Variants in EXOC3L1 observed in about 807,000 individuals in gnomAD.
The protein encoded by EXOC3L1 is exocyst complex component 3-like protein.
EXOC3L1 carries 79 observed loss-of-function variants against 83.6 expected under a neutral mutation model. That is an observed-to-expected ratio of 0.95 (90% CI 0.79 to 1.14). EXOC3L1 has a LOEUF of 1.14. Among genes scored for constraint, EXOC3L1 ranks in the 50% most tolerant of loss-of-function variants. The probability of loss-of-function intolerance (pLI) is 0.00; values close to 1 mark genes in which losing one functional copy is unlikely to be tolerated. For synonymous variants in EXOC3L1, 433 were observed against 451.2 expected (o/e 0.96, Z 0.51); for missense variants, 945 against 972.0 (o/e 0.97, Z 0.37).
chr16:67,187,507 T>C lies in EXOC3L1; in HGVS notation c.758A>G (p.Gln253Arg), dbSNP rs1456709527. The C allele has an allele frequency of 2.5e-6, 4 of 1,603,588 alleles. No homozygotes were observed. Among genetic ancestry groups the C allele is most frequent in the Non-Finnish European group, 3.4e-6 (4 of 1,178,818 alleles). ...AAAGTGGGCCTGCTCCAGGCCCTCC[T>C]GTAGTGCCCTCAGACAGCGCTGACG... is the stretch of plus-strand genomic sequence containing the variant. ...DWRQRCLRAL[Q>R]EGLEQAHFGS... Residue 253 changes from glutamine (Q) to arginine (R), a missense_variant, in exon 5 of 14, where the codon CAG becomes CGG. Gln to Arg is a conservative substitution (Grantham distance 43, BLOSUM62 1). Coordinates refer to ENST00000314586, the MANE Select transcript of EXOC3L1 (RefSeq NM_178516.4).
At position 67,187,702 on chromosome 16, in the gene EXOC3L1, A is replaced by C. The variant is rs752602564; in HGVS notation, c.563T>G (p.Phe188Cys). Residue 188 changes from phenylalanine to cysteine, a missense_variant, in exon 5 of 14, where the codon TTC (phenylalanine) becomes TGC (cysteine). By Grantham distance (205) the Phe-to-Cys change is radical. Coordinates refer to ENST00000314586, the MANE Select transcript of EXOC3L1 (RefSeq NM_178516.4). ...CTCGAACAGAAGGTCCAGCCCCTGG[A>C]AGACTGGCAACTCCAGGCCCCCCAG... ...APLGGLELPVFQGLDLLFEAL... is the reference protein window; with the variant it reads ...APLGGLELPVCQGLDLLFEAL... 28 of 1,612,982 alleles carry C rather than the reference A, an allele frequency of 1.7e-5. No individual in the cohort carries two copies. The highest frequency in any genetic ancestry group is 1.6e-5 in the Non-Finnish European group (19 of 1,179,984).
At position 67,185,555 on chromosome 16, in the gene EXOC3L1, G is replaced by C. The variant is rs939758782; in HGVS notation, c.1497-65C>G. Reference sequence around the variant, plus strand: ...GGCCCGCATGGCCCTCGGTGGTCCAGACCCTCCGGCGCCACCTTGTGGGGC... The same window carrying C: ...GGCCCGCATGGCCCTCGGTGGTCCACACCCTCCGGCGCCACCTTGTGGGGC... On this transcript the variant is annotated intron_variant, in intron 9 of 13. Transcript: ENST00000314586. The C allele has an allele frequency of 6.7e-6, 10 of 1,490,786 alleles. No individual in the cohort carries two copies. The Admixed American group carries it at 1.6e-4, about 23-fold the overall frequency. The allele number at this position is 1,490,786 out of a possible 1,614,324, so 92.3% of individuals were successfully genotyped here.
rs113277538 is a variant in EXOC3L1, at chr16:67,187,380, C to T, written c.885G>A (p.Ala295=). ...CGTTGTACTGTGGCGGGCAGCAAGGCGCTACTAGTGCCTCAGCTGTGGCCA... is the reference window on the plus strand; with the variant it reads ...CGTTGTACTGTGGCGGGCAGCAAGGTGCTACTAGTGCCTCAGCTGTGGCCA... ...VELATAEALV[A]PCCPPQYNVV... Residue 295 remains alanine (A), a synonymous_variant, in exon 5 of 14, where the codon GCG becomes GCA. Coordinates refer to ENST00000314586, the MANE Select transcript of EXOC3L1 (RefSeq NM_178516.4). 1.8e-5 allele frequency: 29 copies of T among 1,612,656 alleles called. No individual in the cohort carries two copies. Among genetic ancestry groups the T allele is most frequent in the South Asian group, 4.4e-5 (4 of 91,090 alleles).
At position 67,184,802 on chromosome 16, in the gene EXOC3L1, C is replaced by T. The variant is rs757384868; in HGVS notation, c.1914G>A (p.Glu638=). 1.9e-6 allele frequency: 3 copies of T among 1,602,658 alleles called. No individual in the cohort carries two copies. The highest frequency in any genetic ancestry group is 1.1e-5 in the South Asian group (1 of 91,016). ...GCACCGGCGCGCAGTGCGCGTTCTC[C>T]TCCAGGCCCTGAGCACGTCGGGGTA... ...LQQLFLSLGL[E]ENAHCAPVLL... Residue 638 remains glutamate, a synonymous_variant, in exon 13 of 14, where the codon GAG becomes GAA. Coordinates refer to ENST00000314586, the MANE Select transcript of EXOC3L1 (RefSeq NM_178516.4).
At position 67,184,755 on chromosome 16, in the gene EXOC3L1, A is replaced by G. The variant is rs899601213; in HGVS notation, c.1961T>C (p.Leu654Pro). 2.5e-6 allele frequency: 4 copies of G among 1,593,098 alleles called. No individual in the cohort carries two copies. In the African/African-American group the frequency reaches 5.4e-5, roughly 21 times the overall value. Residue 654 changes from leucine to proline, a missense_variant, in exon 13 of 14, where the codon CTA (leucine) becomes CCA (proline). By Grantham distance (98) the Leu-to-Pro change is moderately conservative (BLOSUM62 -3). Transcript: ENST00000314586. ...CAGCAGCGCGGGGTCGCGGAGGTTT[A>G]GCAGCTCCCTCAGGGCGAGCAGCAC... ...APVLLALREL[L>P]NLRDPALLGL... is the part of the protein sequence containing the mutation.
rs147540218 is a variant in EXOC3L1, at chr16:67,189,028, G to T, written c.199C>A (p.Arg67Ser). 3.9e-5 allele frequency: 62 copies of T among 1,604,056 alleles called. No individual in the cohort carries two copies. The Middle Eastern group carries it at 1.2e-3, about 30-fold the overall frequency. The change falls in exon 3 of 14, where the codon CGC (arginine) becomes AGC (serine). Residue 67 changes from arginine to serine, a missense_variant. Coordinates refer to ENST00000314586, the MANE Select transcript of EXOC3L1 (RefSeq NM_178516.4). ...CCCTGCCCCATGCCCACCTTGAGGC[G>T]CGATTCCAGGGAGCAGGTACGCTGC... Reference protein sequence around the residue: ...EVQRTCSLESRLKSVMQSYLE... With the variant: ...EVQRTCSLESSLKSVMQSYLE...
At chr16:67,186,473 G>A (rs113239306) in intron 8 of EXOC3L1, 84 bp downstream of exon 8, 3 of 1,487,070 alleles carry the variant, frequency 2.0e-6, no homozygotes, top group African/African-American at 1.4e-5. Flanking sequence ...CTTTCCCTGT[G>A]ACATGTCTTA....
chr16:67,187,911 T>A, intron 4 of EXOC3L1, 74 bp from the exon 5 acceptor site: 1 of 1,494,342 alleles, frequency 6.7e-7, no homozygotes. Flanking sequence ...CAGGGGATAC[T>A]GAGGCCCAGG....
Position 67,186,273 on chromosome 16 carries a change from T to C in EXOC3L1, c.1460A>G (p.Tyr487Cys), listed in dbSNP as rs1050570218. 7 of 1,578,372 alleles carry C rather than the reference T, an allele frequency of 4.4e-6. No homozygotes were observed. The highest frequency in any genetic ancestry group is 1.4e-5 in the African/African-American group (1 of 74,042). The change falls in exon 9 of 14, where the codon TAC becomes TGC. Residue 487 changes from tyrosine (Y) to cysteine (C), a missense_variant. Physicochemically the swap from Tyr to Cys is radical, Grantham distance 194. Coordinates refer to ENST00000314586, the MANE Select transcript of EXOC3L1 (RefSeq NM_178516.4). ...GKSMAPHYVP[Y>C]LLAALNHKSA... ...CTTGTGGTTGAGGGCGGCCAGTAGG[T>C]AGGGCACGTAATGAGGGGCCATTGA...
rs1453628718 is a variant in EXOC3L1 at position 67,184,487 on chromosome 16, G to C, written c.2148C>G (p.Arg716=). Residue 716 remains arginine, a synonymous_variant, in exon 14 of 14, where the codon CGC becomes CGG. Transcript: ENST00000314586. The part of the protein sequence containing the change: ...ALPPSPRASR[R]VLFSLVPAPA... ...GCGCGGGCACTAGGCTGAAGAGGAC[G>C]CGGCGGCTCGCGCGGGGCGACGGCG... The C allele has an allele frequency of 6.6e-7, 1 of 1,522,148 alleles. No individual in the cohort carries two copies. 94.3% of individuals were successfully genotyped at this position (1,522,148 alleles called of 1,614,324 possible).
chr16:67,187,641 G>A lies in EXOC3L1; in HGVS notation c.624C>T (p.Ala208=), dbSNP rs567460159. The change falls in exon 5 of 14, where the codon GCC becomes GCT. Residue 208 remains alanine, a synonymous_variant. Coordinates refer to ENST00000314586, the MANE Select transcript of EXOC3L1 (RefSeq NM_178516.4). ...GGTCCTCCCGTGCCAGCTTCCCTGC[G>A]GCCCCTGCAGCTGCTTCCACAGCCT... is the stretch of plus-strand genomic sequence containing the variant. The part of the protein sequence containing the change: ...LGQAVEAAAG[A]AGKLAREDPA... 16 of 1,609,840 alleles carry A rather than the reference G, an allele frequency of 9.9e-6. No individual in the cohort carries two copies. Among genetic ancestry groups the A allele is most frequent in the Admixed American group, 5.0e-5 (3 of 59,838 alleles).
Position 67,189,167 on chromosome 16 carries a change from T to G in EXOC3L1, c.60A>C (p.Pro20=). Reference sequence around the variant, plus strand: ...CCAGCTGCTCTGCCCGCTCCTGCTCTGGCCACTCAGGTCCTGGGAAGGAAG... The same window carrying G: ...CCAGCTGCTCTGCCCGCTCCTGCTCGGGCCACTCAGGTCCTGGGAAGGAAG... The part of the protein sequence containing the change: ...QPALSPGPEW[P]EQERAEQLAR... Residue 20 remains proline, a synonymous_variant, in exon 3 of 14, where the codon CCA becomes CCC. Transcript: ENST00000314586. 6.2e-7 allele frequency: 1 copy of G among 1,600,340 alleles called. No homozygotes were observed. The highest frequency in any genetic ancestry group is 8.5e-7 in the Non-Finnish European group (1 of 1,175,030).
In EXOC3L1 at chr16:67,189,686, G is replaced by A. The variant is rs201434583; in HGVS notation, c.-7-3C>T. The A allele has an allele frequency of 3.0e-4, 492 of 1,613,876 alleles. 2 individuals carry two copies. Among genetic ancestry groups the A allele is most frequent in the Non-Finnish European group, 5.4e-5 (64 of 1,179,982 alleles). ...TGGCTGCTGAGTCCATTGTGGGCCTGGAGGAGCCAGAGCTGAGGTGGGCCC... is the reference window on the plus strand; with the variant it reads ...TGGCTGCTGAGTCCATTGTGGGCCTAGAGGAGCCAGAGCTGAGGTGGGCCC... On this transcript the variant is annotated splice_region_variant and splice_polypyrimidine_tract_variant and intron_variant, in intron 1 of 13. Transcript: ENST00000314586.
chr16:67,184,576 G>C lies in EXOC3L1; in HGVS notation c.2059C>G (p.Leu687Val). Residue 687 changes from leucine to valine, a missense_variant, in exon 14 of 14, where the codon CTG (leucine) becomes GTG (valine). Physicochemically the swap from Leu to Val is conservative, Grantham distance 32. Coordinates refer to ENST00000314586, the MANE Select transcript of EXOC3L1 (RefSeq NM_178516.4). The part of the protein sequence containing the change: ...SEDHVSALLG[L>V]RGDLSREQHL... The stretch of plus-strand genomic sequence containing the variant: ...TGCTCCCGGGACAAGTCCCCGCGCA[G>C]GCCCAAGAGGGCGGAGACGTGGTCC... 6.4e-7 allele frequency: 1 copy of C among 1,564,338 alleles called. No homozygotes were observed. The highest frequency in any genetic ancestry group is 8.6e-7 in the Non-Finnish European group (1 of 1,162,524).
At chr16:67,186,140 C>G in intron 9 of EXOC3L1, 97 bp downstream of exon 9, 2 of 862,098 alleles carry the variant, frequency 2.3e-6, no homozygotes, top group South Asian at 1.5e-5. Context: ...GATGTGAGTC[C>G]AAAGTCCCTA....
chr16:67,189,170 C>T lies in EXOC3L1; in HGVS notation c.57G>A (p.Trp19Ter), dbSNP rs1466315544. ...GCTGCTCTGCCCGCTCCTGCTCTGG[C>T]CACTCAGGTCCTGGGAAGGAAGAGC... ...MQPALSPGPE[W>*]PEQERAEQLA... The change falls in exon 3 of 14, where the codon TGG becomes TGA. Residue 19 changes from tryptophan to a stop codon, truncating the protein, a stop_gained. Coordinates refer to ENST00000314586, the MANE Select transcript of EXOC3L1 (RefSeq NM_178516.4). LOFTEE classifies it high-confidence loss of function. 1.3e-6 allele frequency: 2 copies of T among 1,598,192 alleles called. No homozygotes were observed. Among genetic ancestry groups the T allele is most frequent in the East Asian group, 4.5e-5 (2 of 44,582 alleles).
chr16:67,187,992 C>T (rs1298646353), intron 4 of EXOC3L1, among the ~76,000 whole-genome samples, 155 bp from the exon 5 acceptor site: 1 of 152,180 alleles, frequency 6.6e-6, no homozygotes, highest in Non-Finnish European at 1.5e-5. Flanking sequence ...GCCTGTAATC[C>T]CAGCACTTCG....
chr16:67,184,887 C>G lies in EXOC3L1; in HGVS notation c.1905+15G>C. 6.2e-7 allele frequency: 1 copy of G among 1,611,968 alleles called. No individual in the cohort carries two copies. Among genetic ancestry groups the G allele is most frequent in the Non-Finnish European group, 8.5e-7 (1 of 1,179,848 alleles). Reference sequence around the variant, plus strand: ...CTGAGACTCTCGCCCGTCTGCCCGCCCAAGAAGCTCTCACCAAACTGAGGA... The same window carrying G: ...CTGAGACTCTCGCCCGTCTGCCCGCGCAAGAAGCTCTCACCAAACTGAGGA... On this transcript the variant is annotated intron_variant, in intron 12 of 13. Transcript: ENST00000314586.
In EXOC3L1 at chr16:67,187,293, AAGG is replaced by A; in HGVS notation, c.969_971del (p.Leu324del). The stretch of plus-strand genomic sequence containing the variant: ...CCGCAGCTTCTAGCTCAGGCCCTGC[AAGG>A]AGGTTCTGCAGGCTGCGGCGCAAAC... On this transcript the variant is annotated inframe_deletion, in exon 5 of 14. Coordinates refer to ENST00000314586, the MANE Select transcript of EXOC3L1 (RefSeq NM_178516.4). 1 of 1,613,010 alleles carries A rather than the reference AAGG, an allele frequency of 6.2e-7. No individual in the cohort carries two copies. Among genetic ancestry groups the A allele is most frequent in the Non-Finnish European group, 8.5e-7 (1 of 1,179,958 alleles).
Sources: allele counts gnomAD v4.1 joint callset (sites outside exome capture counted in the v4.1 genomes callset), GRCh38; gene constraint gnomAD v4.1.1; transcripts MANE v1.5; gene names NCBI Gene and HGNC (gene_info 2026-07-23, HGNC 2026-07-21).